Variants in FBXL19 observed in about 807,000 individuals in gnomAD.
FBXL19 encodes F-box and leucine rich repeat protein 19.
FBXL19 carries 16 observed loss-of-function variants against 71.2 expected under a neutral mutation model. The ratio of observed to expected loss-of-function variants is 0.22; its 90% CI spans 0.15 to 0.34. FBXL19 has a LOEUF of 0.34. Ranked by LOEUF, FBXL19 falls within the 10% of genes least tolerant of loss-of-function variation. The pLI, the probability that FBXL19 is intolerant of heterozygous loss-of-function variation, is 1.00. For synonymous variants in FBXL19, 447 were observed against 409.4 expected (o/e 1.09, Z -1.11); for missense variants, 658 against 968.2 (o/e 0.68, Z 4.25).
intron 7 of FBXL19, among the ~76,000 whole-genome samples, chr16:30,937,347 G>A (rs1398371647): frequency 2.0e-5 from 3 of 151,778 alleles, no homozygotes; most frequent in Non-Finnish European, 2.9e-5. Context: ...TGCTTTCCTC[G>A]GAGTCTCAGG....
Position 30,930,687 on chromosome 16 carries a change from T to C in FBXL19, c.1301+103T>C, listed in dbSNP as rs1004572971. The C allele has an allele frequency of 2.8e-5, 35 of 1,242,084 alleles. 1 individual carries two copies. The South Asian group carries it at 5.6e-4, about 20-fold the overall frequency. The allele number at this position is 1,242,084 out of a possible 1,614,324, so 76.9% of individuals were successfully genotyped here. ...CCCTCTCTGGGCCTTGCTTTTATAT[T>C]GGGGATACTTCTCTAGTATGCACAG... On this transcript the variant is annotated intron_variant, in intron 7 of 10. Transcript: ENST00000338343. This position sits in a 1 kb window ranked among gnomAD's most constrained non-coding sequence, Gnocchi z 8.5.
chr16:30,926,737 C>T (rs531066012), intron 2 of FBXL19, among the ~76,000 whole-genome samples: 12 of 152,194 alleles, frequency 7.9e-5, no homozygotes, highest in African/African-American at 2.9e-4. Context: ...TTGATCCTGC[C>T]GCATCCTTGT....
intron 5 of FBXL19, 117 bp from the exon 6 acceptor site, chr16:30,928,350 G>T (rs1648774044): frequency 8.8e-7 from 1 of 1,136,760 alleles, no homozygotes; most frequent in Admixed American, 3.3e-5. Context: ...AGTTATCCCT[G>T]GGACGGGGGC....
At chr16:30,922,880 C>T, upstream of FBXL19, 1 of 374,196 alleles carries the variant, frequency 2.7e-6, no homozygotes, top group Non-Finnish European at 5.4e-6. Context: ...GGCGAGGTGC[C>T]CAAGGTGGTG....
chr16:30,924,953 A>G (rs1457688701), intron 1 of FBXL19, among the ~76,000 whole-genome samples: 1 of 152,212 alleles, frequency 6.6e-6, no homozygotes, highest in African/African-American at 2.4e-5. Context: ...GCTGGATTCT[A>G]GAATCCCAAG....
At position 30,928,031 on chromosome 16, in the gene FBXL19, C is replaced by T. The variant is rs2055618551; in HGVS notation, c.627+68C>T. The T allele has an allele frequency of 2.0e-5, 22 of 1,113,666 alleles. No individual in the cohort carries two copies. In the South Asian group the frequency reaches 3.3e-4, roughly 17 times the overall value. The allele number at this position is 1,113,666 out of a possible 1,614,324, so 69.0% of individuals were successfully genotyped here. ...CTGGGAGCTGTAGTCCTGGCTGGTT[C>T]TGTGGGGCTGTGTGGGCCTGGGAGC... On this transcript the variant is annotated intron_variant, in intron 5 of 10. Coordinates refer to ENST00000338343, the MANE Select transcript of FBXL19 (RefSeq NM_001382779.1).
chr16:30,925,722 C>T lies in FBXL19; in HGVS notation c.-24-9C>T, dbSNP rs566708933. The T allele has an allele frequency of 5.4e-6, 8 of 1,490,998 alleles. No homozygotes were observed. Among genetic ancestry groups the T allele is most frequent in the African/African-American group, 4.4e-5 (3 of 68,666 alleles). 92.4% of individuals were successfully genotyped at this position (1,490,998 alleles called of 1,614,324 possible). A position where few individuals can be genotyped will look rare whatever the true frequency, so the allele number is the denominator to read the frequency against. On this transcript the variant is annotated splice_polypyrimidine_tract_variant and intron_variant, in intron 1 of 10. Transcript: ENST00000338343. The surrounding 1 kb of genome is among the most constrained non-coding windows in gnomAD (Gnocchi z 5.0). Reference sequence around the variant, plus strand: ...GGGCCCATCTGACCCTGCCACCATCCACCTACAGCCCTCGGCGTTGCTGAC... The same window carrying T: ...GGGCCCATCTGACCCTGCCACCATCTACCTACAGCCCTCGGCGTTGCTGAC...
rs984580211 is a variant in FBXL19 at position 30,942,971 on chromosome 16, G to C, written c.1627+435G>C. Among the ~76,000 whole-genome samples, 1 of 152,214 alleles carries C rather than the reference G, an allele frequency of 6.6e-6. No individual in the cohort carries two copies. The highest frequency in any genetic ancestry group is 2.4e-5 in the African/African-American group (1 of 41,450). ...GAGCAGCCCGCCAGCATAATACTGGGCAATTGTGGAGTGCCTTGATGCACA... is the reference window on the plus strand; with the variant it reads ...GAGCAGCCCGCCAGCATAATACTGGCCAATTGTGGAGTGCCTTGATGCACA... On this transcript the variant is annotated intron_variant, in intron 9 of 10. Coordinates refer to ENST00000338343, the MANE Select transcript of FBXL19 (RefSeq NM_001382779.1). This position sits in a 1 kb window ranked among gnomAD's most constrained non-coding sequence, Gnocchi z 5.7.
Position 30,923,829 on chromosome 16 carries a change from G to A in FBXL19, c.-655G>A, listed in dbSNP as rs1177753858. 2.0e-5 allele frequency among the ~76,000 whole-genome samples: 3 copies of A among 151,112 alleles called. No individual in the cohort carries two copies. In the East Asian group the frequency reaches 5.9e-4, roughly 30 times the overall value. On this transcript the variant is annotated 5_prime_UTR_variant, in exon 1 of 11. Transcript: ENST00000338343. ...GAGAGGTCGGGGGTGCGCGCGGGCT[G>A]GGGGGGGCGGGGCCGGAGCAGCTTC...
intron 9 of FBXL19, among the ~76,000 whole-genome samples, chr16:30,945,507 C>G (rs577960375): frequency 6.6e-6 from 1 of 151,636 alleles, no homozygotes; most frequent in East Asian, 1.9e-4. Context: ...TAAAAAAATA[C>G]AAAAAATTAG....
rs2143310917 is a variant in FBXL19, at chr16:30,927,298, C to T, written c.178-10C>T. Reference sequence around the variant, plus strand: ...TTTCGGGGCCCCTGATGTCCCCTCTCCCCCAACAGCCCGTGCTCCCACACA... The same window carrying T: ...TTTCGGGGCCCCTGATGTCCCCTCTTCCCCAACAGCCCGTGCTCCCACACA... On this transcript the variant is annotated splice_polypyrimidine_tract_variant and intron_variant, in intron 2 of 10. Transcript: ENST00000338343. 1.3e-6 allele frequency: 2 copies of T among 1,549,222 alleles called. No individual in the cohort carries two copies. The highest frequency in any genetic ancestry group is 1.7e-6 in the Non-Finnish European group (2 of 1,146,614).
At position 30,927,637 on chromosome 16, in the gene FBXL19, C is replaced by A; in HGVS notation, c.386C>A (p.Thr129Asn). The A allele has an allele frequency of 6.4e-7, 1 of 1,565,666 alleles. No homozygotes were observed. The highest frequency in any genetic ancestry group is 8.7e-7 in the Non-Finnish European group (1 of 1,155,364). ...IPNCWECPRC[T>N]QEGRTSKDSG... Reference sequence around the variant, plus strand: ...AACTGCTGGGAGTGCCCTCGCTGCACCCAGGAAGGCCGCACCAGCAAGGTA... The same window carrying A: ...AACTGCTGGGAGTGCCCTCGCTGCAACCAGGAAGGCCGCACCAGCAAGGTA... Residue 129 changes from threonine (T) to asparagine (N), a missense_variant, in exon 4 of 11, where the codon ACC (threonine) becomes AAC (asparagine). This residue lies in a region of FBXL19 where 447 missense variants were observed against 515.4 expected (regional missense o/e 0.87). Coordinates refer to ENST00000338343, the MANE Select transcript of FBXL19 (RefSeq NM_001382779.1).
At position 30,930,703 on chromosome 16, in the gene FBXL19, G is replaced by A; in HGVS notation, c.1301+119G>A. The A allele has an allele frequency of 5.4e-6, 6 of 1,115,266 alleles. No individual in the cohort carries two copies. The South Asian group carries it at 9.4e-5, about 18-fold the overall frequency. The allele number at this position is 1,115,266 out of a possible 1,614,324, so 69.1% of individuals were successfully genotyped here. On this transcript the variant is annotated intron_variant, in intron 7 of 10. Transcript: ENST00000338343. The surrounding 1 kb of genome is among the most constrained non-coding windows in gnomAD (Gnocchi z 8.5). ...CTTTTATATTGGGGATACTTCTCTA[G>A]TATGCACAGATTACAGTGCATCCTT...
intron 1 of FBXL19, chr16:30,924,804 A>C: frequency 1.4e-6 from 2 of 1,414,264 alleles, no homozygotes; most frequent in Non-Finnish European, 1.9e-6. Context: ...CCAGGCTTCT[A>C]ATTCCACATG....
intron 1 of FBXL19, chr16:30,924,660 C>T (rs1287581556): frequency 1.4e-6 from 2 of 1,409,146 alleles, no homozygotes; most frequent in Non-Finnish European, 9.2e-7. Context: ...CCTTGAAAGC[C>T]CCCACCCCCG....
intron 2 of FBXL19, 86 bp downstream of exon 2, chr16:30,926,017 G>C (rs968176045): frequency 2.1e-5 from 28 of 1,361,780 alleles, no homozygotes; most frequent in Non-Finnish European, 2.6e-5. Flanking sequence ...AGCCTGTACT[G>C]TGGAGTGGCT....
chr16:30,929,334 A>G (rs766912479), intron 6 of FBXL19, among the ~76,000 whole-genome samples: 4 of 152,200 alleles, frequency 2.6e-5, no homozygotes, highest in African/African-American at 4.8e-5. Flanking sequence ...GGAATGAGTC[A>G]GCCGATGCGG....
At chr16:30,937,031 CG>C (rs1355672258) in intron 7 of FBXL19, among the ~76,000 whole-genome samples, 1 of 152,094 alleles carries the variant, frequency 6.6e-6, no homozygotes, top group Non-Finnish European at 1.5e-5. Flanking sequence ...CGTGAGCCAC[CG>C]CACACGCTTG....
intron 6 of FBXL19, 40 bp downstream of exon 6, chr16:30,928,668 T>G: frequency 6.9e-7 from 1 of 1,441,044 alleles, no homozygotes; most frequent in Non-Finnish European, 9.2e-7. Flanking sequence ...CCACCTTCCC[T>G]TGCCCCACCC....
Sources: gnomAD v4.1 joint callset for allele counts (sites outside exome capture counted in the v4.1 genomes callset) on GRCh38, gnomAD v4.1.1 for gene constraint, gnomAD v4.1.1 regional missense constraint, Gnocchi (gnomAD v3.1) non-coding constraint, MANE v1.5 for transcripts, NCBI Gene and HGNC (gene_info 2026-07-23, HGNC 2026-07-21) for gene names.